ZNF783: variants seen among roughly 807,000 people sequenced by gnomAD.
ZNF783 encodes the protein zinc finger protein 783.
Under a neutral mutation model 31.3 loss-of-function variants are expected in ZNF783, and 25 were observed. That is an observed-to-expected ratio of 0.80 (90% CI 0.58 to 1.11). ZNF783 has a LOEUF of 1.11. Ranked by LOEUF, ZNF783 falls within the 50% of genes most tolerant of loss-of-function variation. The pLI is 0.00. For missense variants in ZNF783, 797 were observed against 760.0 expected, an observed-to-expected ratio of 1.05 and a Z score of -0.57; for synonymous variants, 369 against 319.1, an observed-to-expected ratio of 1.16 and a Z score of -1.66.
At chr7:149,263,347 A>C (rs1412330265) in intron 1 of ZNF783, among the ~76,000 whole-genome samples, 1 of 120,208 alleles carries the variant, frequency 8.3e-6, no homozygotes, top group African/African-American at 3.2e-5. Context: ...ACACAGTCTC[A>C]CTCTCACCCA....
In ZNF783 at chr7:149,282,326, C is replaced by T. The variant is rs1178308856; in HGVS notation, c.1624C>T (p.Arg542Trp). The T allele has an allele frequency of 7.2e-6, 11 of 1,534,542 alleles. No homozygotes were observed. The highest frequency in any genetic ancestry group is 8.7e-6 in the Non-Finnish European group (10 of 1,147,680). ...GAGCCTGCCCCTGCCCTGGCCCAGC[C>T]GGAAGGAGGAGGGCTGACCTGGCAG... ...HGSLPLPWPS[R>W]KEEG The change falls in exon 6 of 6, where the codon CGG (arginine) becomes TGG (tryptophan). Residue 542 changes from arginine to tryptophan, a missense_variant. Transcript: ENST00000434415.
At chr7:149,278,629 G>T in intron 5 of ZNF783, 102 bp downstream of exon 5, 3 of 1,536,730 alleles carry the variant, frequency 2.0e-6, no homozygotes, top group Non-Finnish European at 2.6e-6. Flanking sequence ...ATGGGGCTGG[G>T]AGAGAGGGCT....
chr7:149,277,631 T>G (rs1348343733), intron 4 of ZNF783, among the ~76,000 whole-genome samples: 1 of 151,566 alleles, frequency 6.6e-6, no homozygotes, highest in East Asian at 1.9e-4. Context: ...TCCCTACTAC[T>G]TGGGAGGCTG....
intron 1 of ZNF783, 33 bp from the exon 2 acceptor site, chr7:149,266,302 C>T: frequency 6.7e-7 from 1 of 1,502,714 alleles, no homozygotes; most frequent in Non-Finnish European, 8.8e-7. Context: ...GTATAATTCT[C>T]ATAACATCTC....
At chr7:149,271,902 C>T (rs1797218655) in intron 4 of ZNF783, among the ~76,000 whole-genome samples, 1 of 152,222 alleles carries the variant, frequency 6.6e-6, no homozygotes, top group Non-Finnish European at 1.5e-5. Flanking sequence ...GTTTATTTAA[C>T]AGTCTGTACC....
At position 149,268,287 on chromosome 7, in the gene ZNF783, G is replaced by A. The variant is rs376421419; in HGVS notation, c.673+1065G>A. Among the ~76,000 whole-genome samples, 49 of 151,854 alleles carry A rather than the reference G, an allele frequency of 3.2e-4. 1 individual carries two copies. Among genetic ancestry groups the A allele is most frequent in the African/African-American group, 1.1e-3 (47 of 41,398 alleles). ...AGCCTTTGTTTTGTTTTCCCTAGTT[G>A]TCTCAAAAATGTTTTCTATGGGTCT... On this transcript the variant is annotated intron_variant, in intron 4 of 5. Transcript: ENST00000434415.
At chr7:149,267,724 G>C (rs898809719) in intron 4 of ZNF783, among the ~76,000 whole-genome samples, 1 of 152,188 alleles carries the variant, frequency 6.6e-6, no homozygotes, top group Non-Finnish European at 1.5e-5. Context: ...GTGAACCCGG[G>C]AGGCGGAGTT....
rs557562339 is a variant in ZNF783 at position 149,282,143 on chromosome 7, C to T, written c.1441C>T (p.Leu481Phe). The T allele has an allele frequency of 6.2e-6, 10 of 1,600,234 alleles. No individual in the cohort carries two copies. The highest frequency in any genetic ancestry group is 1.7e-5 in the Admixed American group (1 of 59,964). ...CAAGGCCTTCCGCCGGCCCTCGGACCTCTTCCGGCACCAGCGCATCCACAC... is the reference window on the plus strand; with the variant it reads ...CAAGGCCTTCCGCCGGCCCTCGGACTTCTTCCGGCACCAGCGCATCCACAC... ...CGKAFRRPSDLFRHQRIHTGE... is the reference protein window; with the variant it reads ...CGKAFRRPSDFFRHQRIHTGE... The change falls in exon 6 of 6, where the codon CTC becomes TTC. Residue 481 changes from leucine to phenylalanine, a missense_variant. Coordinates refer to ENST00000434415, the MANE Select transcript of ZNF783 (RefSeq NM_001195220.2).
chr7:149,267,492 G>T (rs1797107390), intron 4 of ZNF783, among the ~76,000 whole-genome samples: 1 of 152,204 alleles, frequency 6.6e-6, no homozygotes, highest in Admixed American at 6.5e-5. Flanking sequence ...TGTACATACT[G>T]ATCACTTTAT....
intron 4 of ZNF783, chr7:149,275,488 GT>G (rs35759791): frequency 0.12 from 17,830 of 150,464 alleles, 1,250 homozygotes; most frequent in African/African-American, 0.19. Context: ...AATTTTTTGT[GT>G]TTTTTTTTAA....
chr7:149,281,572 G>C lies in ZNF783; in HGVS notation c.870G>C (p.Leu290=). ...EDEMTPERLF[L]GVSRGQTECR... ...AGATGACGCCTGAGCGGCTCTTTCT[G>C]GGGGTGTCCCGAGGCCAGACCGAGT... is the stretch of plus-strand genomic sequence containing the variant. Residue 290 remains leucine, a synonymous_variant, in exon 6 of 6, where the codon CTG becomes CTC. Transcript: ENST00000434415. The C allele has an allele frequency of 6.6e-7, 1 of 1,509,374 alleles. No individual in the cohort carries two copies. Among genetic ancestry groups the C allele is most frequent in the East Asian group, 2.4e-5 (1 of 41,022 alleles). The allele number at this position is 1,509,374 out of a possible 1,614,324, so 93.5% of individuals were successfully genotyped here.
chr7:149,280,649 C>T (rs904361263), intron 5 of ZNF783, among the ~76,000 whole-genome samples: 1 of 152,212 alleles, frequency 6.6e-6, no homozygotes, highest in African/African-American at 2.4e-5. Context: ...AAAAGCTGTT[C>T]ACGTGGTCTT....
intron 4 of ZNF783, among the ~76,000 whole-genome samples, chr7:149,270,949 C>T (rs1321347526): frequency 6.6e-6 from 1 of 152,124 alleles, no homozygotes; most frequent in Non-Finnish European, 1.5e-5. Flanking sequence ...ATTTAATGTT[C>T]TTTGGTTTTT....
intron 1 of ZNF783, among the ~76,000 whole-genome samples, chr7:149,263,288 GTGTGTGTGTGTGTGTGTATATA>G (rs61190519): frequency 0.12 from 12,828 of 110,036 alleles, 943 homozygotes; most frequent in East Asian, 0.27. Context: ...GTGTGTGTGT[GTGTGTGTGTGTGTGTGTATATA>G]TATATATATA....
rs755122848 is a variant in ZNF783, at chr7:149,282,222, A to ACC, written c.1521_1522dup (p.His508ProfsTer58). ...TGTGGCCGGACCTTCAACCGCAACC[A>ACC]CCACCTGGCCGTGCACATGCAGACC... On this transcript the variant is annotated frameshift_variant, in exon 6 of 6. Transcript: ENST00000434415. LOFTEE classifies it low-confidence loss of function (END_TRUNC). 2.5e-6 allele frequency: 4 copies of ACC among 1,597,986 alleles called. No individual in the cohort carries two copies. The highest frequency in any genetic ancestry group is 3.4e-6 in the Non-Finnish European group (4 of 1,179,030).
Position 149,282,414 on chromosome 7 carries a change from C to G in ZNF783, c.*71C>G. On this transcript the variant is annotated 3_prime_UTR_variant, in exon 6 of 6. Transcript: ENST00000434415. The stretch of plus-strand genomic sequence containing the variant: ...TGCCTGACGCAGGTTCTTCCTTTTC[C>G]TGGGATGGAGAGAGGTTTGTTGTTT... The G allele has an allele frequency of 7.8e-7, 1 of 1,283,958 alleles. No homozygotes were observed. Among genetic ancestry groups the G allele is most frequent in the Non-Finnish European group, 1.0e-6 (1 of 965,540 alleles). The allele number at this position is 1,283,958 out of a possible 1,614,324, so 79.5% of individuals were successfully genotyped here. A position where few individuals can be genotyped will look rare whatever the true frequency, so the allele number is the denominator to read the frequency against.
At chr7:149,271,693 G>A (rs891570181) in intron 4 of ZNF783, among the ~76,000 whole-genome samples, 7 of 152,160 alleles carry the variant, frequency 4.6e-5, no homozygotes, top group South Asian at 2.1e-4. Context: ...AGGAAGTCTC[G>A]TTTCCATCCT....
chr7:149,281,986 G>C lies in ZNF783; in HGVS notation c.1284G>C (p.Arg428=). The C allele has an allele frequency of 6.3e-7, 1 of 1,575,100 alleles. No individual in the cohort carries two copies. Among genetic ancestry groups the C allele is most frequent in the Non-Finnish European group, 8.6e-7 (1 of 1,168,756 alleles). The change falls in exon 6 of 6, where the codon CGG becomes CGC. Residue 428 remains arginine (R), a synonymous_variant. Transcript: ENST00000434415. ...CAGGGGGCCGTGCCTTGGTGGGGCGGCGGCCTGCAGCCAGCAAGATGTACC... is the reference window on the plus strand; with the variant it reads ...CAGGGGGCCGTGCCTTGGTGGGGCGCCGGCCTGCAGCCAGCAAGATGTACC... ...SVAGGRALVG[R]RPAASKMYHC...
chr7:149,275,137 GTATTT>G (rs1269719390), intron 4 of ZNF783, among the ~76,000 whole-genome samples: 3 of 151,670 alleles, frequency 2.0e-5, no homozygotes, highest in Non-Finnish European at 4.4e-5. Context: ...TTTTTCCTAG[GTATTT>G]TATTTTATTT....
Sources: gnomAD v4.1 joint callset for allele counts (sites outside exome capture counted in the v4.1 genomes callset) on GRCh38, gnomAD v4.1.1 for gene constraint, MANE v1.5 for transcripts, NCBI Gene and HGNC (gene_info 2026-07-23, HGNC 2026-07-21) for gene names.